The following LBHD1 variants were observed in gnomAD, a reference collection of about 807,000 sequenced individuals.
LBHD1 encodes the protein LBH domain containing 1, also known as LBH domain-containing protein 1.
In LBHD1, 28 loss-of-function variants were observed where a neutral mutation model predicts 31.1. That is an observed-to-expected ratio of 0.90 (90% confidence interval 0.67 to 1.24). The LOEUF (loss-of-function observed/expected upper bound fraction) is 1.24, where lower values mean the gene tolerates loss of function less well. Ranked by LOEUF, LBHD1 falls within the 50% of genes most tolerant of loss-of-function variation. The probability of loss-of-function intolerance (pLI) is 0.00; values close to 1 mark genes in which losing one functional copy is unlikely to be tolerated. For synonymous variants in LBHD1, 105 were observed against 116.5 expected (o/e 0.90, Z 0.63); for missense variants, 350 against 323.0 (o/e 1.08, Z -0.64).
intron 5 of LBHD1, among the ~76,000 whole-genome samples, chr11:62,663,811 G>A (rs996441057): frequency 2.0e-5 from 3 of 151,682 alleles, no homozygotes; most frequent in African/African-American, 7.3e-5. Context: ...GGTGGCTTAT[G>A]CCTGTAATCC....
Position 62,667,089 on chromosome 11 carries a change from G to A in LBHD1, c.538+434C>T, listed in dbSNP as rs79709755. The A allele has an allele frequency of 1.7e-3, 2,623 of 1,525,262 alleles. 30 individuals carry two copies. The African/African-American group carries it at 0.029, about 17-fold the overall frequency. 94.5% of individuals were successfully genotyped at this position (1,525,262 alleles called of 1,614,324 possible). Reference sequence around the variant, plus strand: ...AGTCCTGACCCTAGTATTTCTGTGGGCAAGGAGAGGGCTGAAGAACTGTCT... The same window carrying A: ...AGTCCTGACCCTAGTATTTCTGTGGACAAGGAGAGGGCTGAAGAACTGTCT... On this transcript the variant is annotated intron_variant, in intron 4 of 6. Transcript: ENST00000354588.
chr11:62,665,971 G>C, intron 4 of LBHD1: 1 of 1,598,258 alleles, frequency 6.3e-7, no homozygotes, highest in Non-Finnish European at 8.5e-7. Flanking sequence ...GCAGAGTGGA[G>C]AGGGCAAGGT....
chr11:62,666,626 C>T, intron 4 of LBHD1: 1 of 1,614,186 alleles, frequency 6.2e-7, no homozygotes, highest in Non-Finnish European at 8.5e-7. Flanking sequence ...ATCTCCACAC[C>T]CAGTGGATGT....
At chr11:62,666,057 C>A in intron 4 of LBHD1, 1 of 1,258,210 alleles carries the variant, frequency 7.9e-7, no homozygotes, top group Non-Finnish European at 1.1e-6. Flanking sequence ...ATTCTCAAAC[C>A]CTACGGTGGG....
In LBHD1 at chr11:62,663,381, T is replaced by A. The variant is rs184005430; in HGVS notation, c.664-48A>T. On this transcript the variant is annotated intron_variant, in intron 5 of 6. Coordinates refer to ENST00000354588, the MANE Select transcript of LBHD1 (RefSeq NM_024099.5). The stretch of plus-strand genomic sequence containing the variant: ...GAGAGCTAGGTTAACCTGAACCAAC[T>A]GAGGTCACACAAATAGTTCTGGCTA... 9.9e-5 allele frequency: 155 copies of A among 1,569,316 alleles called. No individual in the cohort carries two copies. The African/African-American group carries it at 2.0e-3, about 20-fold the overall frequency.
chr11:62,671,673 A>C lies in LBHD1; in HGVS notation c.-120T>G. The C allele has an allele frequency of 6.3e-7, 1 of 1,589,762 alleles. No homozygotes were observed. The highest frequency in any genetic ancestry group is 8.6e-7 in the Non-Finnish European group (1 of 1,169,270). On this transcript the variant is annotated 5_prime_UTR_variant, in exon 1 of 7. Coordinates refer to ENST00000354588, the MANE Select transcript of LBHD1 (RefSeq NM_024099.5). ...GGCGCTCTAGCCTGCGCCAAGGGGT[A>C]GTGAGACCGCGCGGCAACAGCTTGC...
chr11:62,666,501 A>G (rs767322545), intron 4 of LBHD1: 1 of 1,614,086 alleles, frequency 6.2e-7, no homozygotes, highest in South Asian at 1.1e-5. Context: ...TTTGGATACG[A>G]CGAAGTCCAG....
chr11:62,666,043 T>A (rs1944800236), intron 4 of LBHD1: 1 of 1,362,784 alleles, frequency 7.3e-7, no homozygotes, highest in Admixed American at 2.0e-5. Context: ...TCCCTGAAAT[T>A]GTGATTCTCA....
intron 3 of LBHD1, among the ~76,000 whole-genome samples, chr11:62,668,938 G>GT (rs994698899): frequency 2.3e-4 from 34 of 150,948 alleles, no homozygotes; most frequent in Non-Finnish European, 3.7e-4. Flanking sequence ...TTTGTTTTTT[G>GT]TTTTTTTTGA....
At chr11:62,665,847 A>C (rs775059235) in intron 4 of LBHD1, 1 of 1,608,510 alleles carries the variant, frequency 6.2e-7, no homozygotes, top group Non-Finnish European at 8.5e-7. Context: ...GCTTCACATA[A>C]GCTTCTCTGG....
intron 4 of LBHD1, chr11:62,666,071 T>C (rs1590848613): frequency 8.8e-7 from 1 of 1,130,192 alleles, no homozygotes; most frequent in South Asian, 1.4e-5. Flanking sequence ...CGGTGGGCCG[T>C]GCGTGGTGGC....
intron 3 of LBHD1, chr11:62,669,410 AG>A (rs1329820842): frequency 1.0e-6 from 1 of 984,144 alleles, no homozygotes; most frequent in Non-Finnish European, 1.2e-6. Flanking sequence ...AAAAAAAAAA[AG>A]AAGAAAAAGA....
intron 4 of LBHD1, chr11:62,666,582 G>C: frequency 1.2e-6 from 2 of 1,614,158 alleles, no homozygotes; most frequent in Non-Finnish European, 1.7e-6. Context: ...GTGGGCTGTG[G>C]GACTTCCAGC....
At chr11:62,670,974 C>A in intron 1 of LBHD1, 1 of 234,772 alleles carries the variant, frequency 4.3e-6, no homozygotes, top group Non-Finnish European at 8.8e-6. Flanking sequence ...TGGTGCACGC[C>A]TGTAATCCCA....
Position 62,672,045 on chromosome 11 carries a change from G to A in LBHD1, c.-492C>T, listed in dbSNP as rs773982212. 20 of 1,611,250 alleles carry A rather than the reference G, an allele frequency of 1.2e-5. No homozygotes were observed. The highest frequency in any genetic ancestry group is 1.7e-5 in the Non-Finnish European group (20 of 1,179,030). ...CTCTGCAGGAGGCAGCGACCACGCA[G>A]GAGAACGTGGCCTGGAGGAAGAACT... On this transcript the variant is annotated 5_prime_UTR_variant, in exon 1 of 7. Transcript: ENST00000354588.
In LBHD1 at chr11:62,666,576, G is replaced by C. The variant is rs760477963; in HGVS notation, c.538+947C>G. Reference sequence around the variant, plus strand: ...AGTCCTCTGCGAGTGCTGGATGTGGGCTGTGGGACTTCCAGCCTATGTACA... The same window carrying C: ...AGTCCTCTGCGAGTGCTGGATGTGGCCTGTGGGACTTCCAGCCTATGTACA... On this transcript the variant is annotated intron_variant, in intron 4 of 6. Transcript: ENST00000354588. 1.8e-5 allele frequency: 29 copies of C among 1,614,056 alleles called. No individual in the cohort carries two copies. In the African/African-American group the frequency reaches 2.3e-4, roughly 13 times the overall value.
intron 4 of LBHD1, chr11:62,666,309 CAAAAA>C: frequency 8.2e-7 from 1 of 1,212,472 alleles, no homozygotes; most frequent in Non-Finnish European, 1.2e-6. Flanking sequence ...GACCCTGTCT[CAAAAA>C]AAAAAAAGAC....
Position 62,672,069 on chromosome 11 carries a change from C to G in LBHD1, c.-516G>C, listed in dbSNP as rs913442887. On this transcript the variant is annotated 5_prime_UTR_variant, in exon 1 of 7. Coordinates refer to ENST00000354588, the MANE Select transcript of LBHD1 (RefSeq NM_024099.5). ...AGGAGAACGTGGCCTGGAGGAAGAA[C>G]TGGATGGTTGGCGGCGAAGGCGGCG... 6.2e-7 allele frequency: 1 copy of G among 1,607,334 alleles called. No homozygotes were observed. Among genetic ancestry groups the G allele is most frequent in the Non-Finnish European group, 8.5e-7 (1 of 1,177,320 alleles).
intron 1 of LBHD1, 132 bp from the exon 2 acceptor site, chr11:62,670,173 G>C (rs1565130339): frequency 2.0e-6 from 2 of 985,448 alleles, no homozygotes; most frequent in Non-Finnish European, 2.9e-6. Context: ...ACGCTTTCAG[G>C]GGAGGGGAAA....
Sources: gnomAD v4.1 joint callset for allele counts (sites outside exome capture counted in the v4.1 genomes callset) on GRCh38, gnomAD v4.1.1 for gene constraint, MANE v1.5 for transcripts, NCBI Gene and HGNC (gene_info 2026-07-23, HGNC 2026-07-21) for gene names.